The following DYRK1B variants were observed in gnomAD, a reference collection of about 807,000 sequenced individuals.
DYRK1B encodes dual specificity tyrosine phosphorylation regulated kinase 1B, also known as dual specificity tyrosine-phosphorylation-regulated kinase 1B.
A neutral mutation model predicts 57.1 loss-of-function variants in DYRK1B; 20 were observed. The observed-to-expected ratio is 0.35, with a 90% CI of 0.25 to 0.51. The LOEUF is 0.51. DYRK1B is among the 20% of genes least tolerant of loss of function. The pLI, the probability that DYRK1B is intolerant of heterozygous loss-of-function variation, is 0.96. For synonymous variants in DYRK1B, 409 were observed against 384.7 expected (o/e 1.06, Z -0.74); for missense variants, 732 against 886.3 (o/e 0.83, Z 2.21).
intron 5 of DYRK1B, 154 bp downstream of exon 5, chr19:39,829,726 C>G (rs1968717708): frequency 4.9e-6 from 4 of 815,506 alleles, no homozygotes; most frequent in Non-Finnish European, 7.4e-6. Flanking sequence ...ATAAAAGCAG[C>G]AGGAGAATCA....
At chr19:39,830,610 G>C in intron 3 of DYRK1B, 47 bp from the exon 4 acceptor site, 1 of 1,613,550 alleles carries the variant, frequency 6.2e-7, no homozygotes, top group Non-Finnish European at 8.5e-7. Flanking sequence ...AGTGACTCAT[G>C]CCAGCAGACA....
chr19:39,833,946 C>T (rs1968955490), intron 1 of DYRK1B, 77 bp downstream of exon 1: 1 of 152,998 alleles, frequency 6.5e-6, no homozygotes, highest in Non-Finnish European at 1.5e-5. Flanking sequence ...AGTCTCACGG[C>T]GACGGGAGCA....
At chr19:39,831,683 T>G (rs1010967856) in intron 2 of DYRK1B, 122 bp downstream of exon 2, 1 of 1,263,362 alleles carries the variant, frequency 7.9e-7, no homozygotes, top group Admixed American at 2.1e-5. Flanking sequence ...TCCAATCCCA[T>G]GGGACCCATT....
intron 1 of DYRK1B, 107 bp from the exon 2 acceptor site, chr19:39,832,075 G>A (rs1968843810): frequency 1.6e-6 from 2 of 1,247,520 alleles, no homozygotes; most frequent in Non-Finnish European, 2.1e-6. Flanking sequence ...GAGAGAAGAG[G>A]AAAAGGGCAC....
rs1305043759 is a variant in DYRK1B, at chr19:39,830,366, G to A, written c.372+9C>T. On this transcript the variant is annotated intron_variant, in intron 4 of 10. Coordinates refer to ENST00000323039, the MANE Select transcript of DYRK1B (RefSeq NM_004714.3). Reference sequence around the variant, plus strand: ...GCCTTGGATCAGGGTGGTGGGGGGTGTCCCACACCTGGCCAAAGGAGCCTT... The same window carrying A: ...GCCTTGGATCAGGGTGGTGGGGGGTATCCCACACCTGGCCAAAGGAGCCTT... 3.1e-6 allele frequency: 5 copies of A among 1,613,922 alleles called. No homozygotes were observed. The highest frequency in any genetic ancestry group is 2.2e-5 in the East Asian group (1 of 44,888).
rs554492881 is a variant in DYRK1B, at chr19:39,825,388, G to A, written c.*327C>T. Reference sequence around the variant, plus strand: ...TTTACTGGGGGTACAGCGAGGAGGAGCAAGGCCATCTCCCCCTACCTGCCC... The same window carrying A: ...TTTACTGGGGGTACAGCGAGGAGGAACAAGGCCATCTCCCCCTACCTGCCC... On this transcript the variant is annotated 3_prime_UTR_variant, in exon 11 of 11. Transcript: ENST00000323039. 1.3e-5 allele frequency: 4 copies of A among 313,934 alleles called. No homozygotes were observed. The South Asian group carries it at 1.9e-4, about 15-fold the overall frequency. The allele number at this position is 313,934 out of a possible 1,614,324, so 19.4% of individuals were successfully genotyped here.
chr19:39,832,498 G>C (rs778035505), intron 1 of DYRK1B, among the ~76,000 whole-genome samples: 15 of 152,036 alleles, frequency 9.9e-5, no homozygotes, highest in Non-Finnish European at 1.6e-4. Flanking sequence ...CCTCAACCCA[G>C]AGAACTCTAG....
rs1438376269 is a variant in DYRK1B at position 39,826,295 on chromosome 19, G to A, written c.1412-9C>T. 1 of 1,562,858 alleles carries A rather than the reference G, an allele frequency of 6.4e-7. No homozygotes were observed. The highest frequency in any genetic ancestry group is 2.3e-5 in the East Asian group (1 of 43,826). ...GGAGCCACTGGAGCCTCCTGGAAGT[G>A]CCAGGGAGGAGAGGTGAAGGGGCAT... On this transcript the variant is annotated splice_polypyrimidine_tract_variant and intron_variant, in intron 9 of 10. Coordinates refer to ENST00000323039, the MANE Select transcript of DYRK1B (RefSeq NM_004714.3). This position sits in a 1 kb window ranked among gnomAD's most constrained non-coding sequence, Gnocchi z 6.3.
intron 5 of DYRK1B, among the ~76,000 whole-genome samples, chr19:39,829,525 C>A (rs1968708097): frequency 6.6e-6 from 1 of 151,930 alleles, no homozygotes; most frequent in South Asian, 2.1e-4. Context: ...CTGTGCCCAG[C>A]CCGTTTTGTT....
In DYRK1B at chr19:39,826,442, G is replaced by A. The variant is rs964955924; in HGVS notation, c.1412-156C>T. ...CACCGGGCCCAATTCTGAGATTCTG[G>A]GTTGGAATTCAGTTTTGGGTTTTAG... On this transcript the variant is annotated intron_variant, in intron 9 of 10. Transcript: ENST00000323039. The surrounding 1 kb of genome is among the most constrained non-coding windows in gnomAD (Gnocchi z 6.3). 6.6e-6 allele frequency among the ~76,000 whole-genome samples: 1 copy of A among 152,210 alleles called. No individual in the cohort carries two copies. The highest frequency in any genetic ancestry group is 2.4e-5 in the African/African-American group (1 of 41,456).
chr19:39,831,384 C>G (rs1346561271), intron 2 of DYRK1B, among the ~76,000 whole-genome samples: 3 of 151,816 alleles, frequency 2.0e-5, no homozygotes, highest in Non-Finnish European at 4.4e-5. Flanking sequence ...ACTCAACCCC[C>G]CTCCAAATTC....
chr19:39,833,358 G>A (rs1040757782), intron 1 of DYRK1B: 4 of 985,574 alleles, frequency 4.1e-6, no homozygotes, highest in Admixed American at 1.2e-4. Flanking sequence ...CGGCGGTGGC[G>A]GCGCTGAAAA....
Position 39,830,295 on chromosome 19 carries a change from G to A in DYRK1B, c.372+80C>T, listed in dbSNP as rs773267056. On this transcript the variant is annotated intron_variant, in intron 4 of 10. Transcript: ENST00000323039. ...GGCTAGGGTGAGTGGCCCAGCATGG[G>A]ACTTGAAGCCACTGAACCACTGGGT... 9 of 1,565,942 alleles carry A rather than the reference G, an allele frequency of 5.7e-6. No homozygotes were observed. The African/African-American group carries it at 8.1e-5, about 14-fold the overall frequency.
chr19:39,830,814 G>A (rs1285914008), intron 2 of DYRK1B, 31 bp from the exon 3 acceptor site: 4 of 1,588,686 alleles, frequency 2.5e-6, no homozygotes, highest in African/African-American at 2.7e-5. Flanking sequence ...TGGGCACTGA[G>A]GACGTGCCTT....
intron 2 of DYRK1B, among the ~76,000 whole-genome samples, chr19:39,831,094 T>TCA (rs1458392542): frequency 2.0e-5 from 3 of 152,216 alleles, no homozygotes; most frequent in Non-Finnish European, 4.4e-5. Context: ...ATGGAAAACC[T>TCA]GGGCTCTGTT....
rs769156048 is a variant in DYRK1B, at chr19:39,831,878, G to T, written c.-11C>A. ...CGGTGGGACGGCCATGGTGGGCTCAGAGGGCCGCAGGGGAGCGAGGCCTGG... is the reference window on the plus strand; with the variant it reads ...CGGTGGGACGGCCATGGTGGGCTCATAGGGCCGCAGGGGAGCGAGGCCTGG... On this transcript the variant is annotated 5_prime_UTR_variant, in exon 2 of 11. It adds an upstream start codon to the 5' untranslated region. Transcript: ENST00000323039. 1.3e-6 allele frequency: 2 copies of T among 1,490,362 alleles called. No homozygotes were observed. Among genetic ancestry groups the T allele is most frequent in the South Asian group, 2.6e-5 (2 of 77,586 alleles). 92.3% of individuals were successfully genotyped at this position (1,490,362 alleles called of 1,614,324 possible). A position where few individuals can be genotyped will look rare whatever the true frequency, so the allele number is the denominator to read the frequency against.
In DYRK1B at chr19:39,828,579, G is replaced by A. The variant is rs756096765; in HGVS notation, c.525C>T (p.His175=). The A allele has an allele frequency of 6.2e-7, 1 of 1,606,070 alleles. No homozygotes were observed. The highest frequency in any genetic ancestry group is 2.2e-5 in the East Asian group (1 of 44,632). The change falls in exon 6 of 11, where the codon CAC becomes CAT. Residue 175 remains histidine, a synonymous_variant. Transcript: ENST00000323039. The surrounding 1 kb of genome is among the most constrained non-coding windows in gnomAD (Gnocchi z 4.3). ...TCCGGAACATGAAGTGCCGCTTCAG[G>A]TGTACTGCGGGGGAGGGGAGGAAAT... ...HDTEMKYYIV[H]LKRHFMFRNH... is the part of the protein sequence containing the mutation.
intron 8 of DYRK1B, 27 bp from the exon 9 acceptor site, chr19:39,827,014 G>GGGGGGGGGGGGCC: frequency 3.3e-5 from 14 of 419,370 alleles, no homozygotes; most frequent in East Asian, 1.2e-4. Context: ...GGGAGGGGGG[G>GGGGGGGGGGGGCC]CAAGAGAGTG....
At chr19:39,829,248 G>A (rs1265708794) in intron 5 of DYRK1B, among the ~76,000 whole-genome samples, 1 of 146,750 alleles carries the variant, frequency 6.8e-6, no homozygotes, top group African/African-American at 2.5e-5. Flanking sequence ...TTTTTTTTGA[G>A]ATGGAGTCTC....
Sources: allele counts gnomAD v4.1 joint callset (sites outside exome capture counted in the v4.1 genomes callset), GRCh38; gene constraint gnomAD v4.1.1; non-coding constraint Gnocchi (gnomAD v3.1); transcripts MANE v1.5; gene names NCBI Gene and HGNC (gene_info 2026-07-23, HGNC 2026-07-21).